Variants in RBM46 observed in about 807,000 individuals in gnomAD.
RBM46 encodes the protein probable RNA-binding protein 46.
A neutral mutation model predicts 43.3 loss-of-function variants in RBM46; 12 were observed. The ratio of observed to expected loss-of-function variants is 0.28; its 90% confidence interval spans 0.18 to 0.45. The LOEUF (loss-of-function observed/expected upper bound fraction) is 0.45, where lower values mean the gene tolerates loss of function less well. RBM46 is among the 20% of genes least tolerant of loss of function. The probability of loss-of-function intolerance (pLI) is 1.00; values close to 1 mark genes in which losing one functional copy is unlikely to be tolerated. For missense variants in RBM46, 412 were observed against 639.1 expected (o/e 0.64, Z 3.83); for synonymous variants, 205 against 207.6 (o/e 0.99, Z 0.11).
In RBM46 at chr4:154,812,328, G is replaced by A. The variant is rs56964535; in HGVS notation, c.1402+12764G>A. ...CCCATGTACCAGACCCCACTCCATT[G>A]TAATGTTGACCTGAGACATCTGGTT... is the stretch of plus-strand genomic sequence containing the variant. On this transcript the variant is annotated intron_variant, in intron 4 of 4. Transcript: ENST00000281722. Among the ~76,000 whole-genome samples the A allele has an allele frequency of 5.9e-5, 9 of 152,208 alleles. No individual in the cohort carries two copies. In the East Asian group the frequency reaches 1.7e-3, roughly 29 times the overall value.
rs1736074466 is a variant in RBM46, at chr4:154,828,625, TTTG to T, written c.*561_*563del. 6.5e-6 allele frequency: 1 copy of T among 152,672 alleles called. No homozygotes were observed. Among genetic ancestry groups the T allele is most frequent in the Non-Finnish European group, 1.5e-5 (1 of 68,054 alleles). 9.5% of individuals were successfully genotyped at this position (152,672 alleles called of 1,614,324 possible). A position where few individuals can be genotyped will look rare whatever the true frequency, so the allele number is the denominator to read the frequency against. On this transcript the variant is annotated 3_prime_UTR_variant, in exon 5 of 5. Coordinates refer to ENST00000281722, the MANE Select transcript of RBM46 (RefSeq NM_144979.5). ...GTCCTTGAAAATAACTATAGATATT[TTTG>T]TTATTTGTTAGACACAAATTATAAT...
At position 154,812,955 on chromosome 4, in the gene RBM46, A is replaced by G. The variant is rs116338366; in HGVS notation, c.1402+13391A>G. Among the ~76,000 whole-genome samples, 393 of 152,292 alleles carry G rather than the reference A, an allele frequency of 2.6e-3. 1 individual carries two copies. Among genetic ancestry groups the G allele is most frequent in the African/African-American group, 9.2e-3 (381 of 41,554 alleles). On this transcript the variant is annotated intron_variant, in intron 4 of 4. Transcript: ENST00000281722. ...GACTTTTTCTTTATGATATTACTCA[A>G]TAATTTTTATATTTTTTATTTACTC... is the stretch of plus-strand genomic sequence containing the variant.
At chr4:154,808,366 A>G (rs1735012038) in intron 4 of RBM46, among the ~76,000 whole-genome samples, 1 of 151,926 alleles carries the variant, frequency 6.6e-6, no homozygotes. Context: ...TGTTTTTATT[A>G]GAGTTACTTT....
intron 1 of RBM46, among the ~76,000 whole-genome samples, chr4:154,791,646 T>A (rs780819147): frequency 3.9e-5 from 6 of 152,200 alleles, no homozygotes; most frequent in Non-Finnish European, 7.3e-5. Flanking sequence ...GGAAAGAGAT[T>A]ATGATACATT....
chr4:154,795,786 G>A (rs1367256614), intron 1 of RBM46, among the ~76,000 whole-genome samples: 1 of 152,084 alleles, frequency 6.6e-6, no homozygotes, highest in Non-Finnish European at 1.5e-5. Context: ...ACAGCATTTA[G>A]GAACCTAGCA....
rs1388800481 is a variant in RBM46 at position 154,799,202 on chromosome 4, T to C, written c.1040T>C (p.Leu347Pro). The C allele has an allele frequency of 6.2e-7, 1 of 1,614,180 alleles. No individual in the cohort carries two copies. The highest frequency in any genetic ancestry group is 1.7e-5 in the Admixed American group (1 of 60,030). ...EESHPKTLGKLPTLPARLNGQ... is the reference protein window; with the variant it reads ...EESHPKTLGKPPTLPARLNGQ... ...AGCCACCCAAAAACTCTAGGCAAGCTGCCAACTCTTCCTGCTCGTCTCAAT... is the reference window on the plus strand; with the variant it reads ...AGCCACCCAAAAACTCTAGGCAAGCCGCCAACTCTTCCTGCTCGTCTCAAT... The change falls in exon 4 of 5, where the codon CTG (leucine) becomes CCG (proline). Residue 347 changes from leucine (L) to proline (P), a missense_variant. Physicochemically the swap from Leu to Pro is moderately conservative, Grantham distance 98. This residue lies in a region of RBM46 where 105 missense variants were observed against 111.0 expected (regional missense o/e 0.95). Coordinates refer to ENST00000281722, the MANE Select transcript of RBM46 (RefSeq NM_144979.5).
rs1491369017 is a variant in RBM46 at position 154,804,812 on chromosome 4, TTG to T, written c.1402+5250_1402+5251del. 1.2e-3 allele frequency among the ~76,000 whole-genome samples: 142 copies of T among 119,742 alleles called. 1 individual carries two copies. In the South Asian group the frequency reaches 0.037, roughly 31 times the overall value. The allele number at this position is 119,742 out of a possible 152,430, so 78.6% of individuals were successfully genotyped here. On this transcript the variant is annotated intron_variant, in intron 4 of 4. Transcript: ENST00000281722. ...TTGTTCTGGACAAAAATGATTAAGG[TTG>T]TTTTTTTTTTTTTTTTTTTTTTAAA...
chr4:154,823,522 A>G (rs1248297715), intron 4 of RBM46, among the ~76,000 whole-genome samples: 1 of 151,900 alleles, frequency 6.6e-6, no homozygotes, highest in African/African-American at 2.4e-5. Context: ...GTCAAAATTA[A>G]TTTGAGAAGA....
chr4:154,787,575 G>T (rs933584202), intron 1 of RBM46, among the ~76,000 whole-genome samples: 7 of 152,024 alleles, frequency 4.6e-5, no homozygotes, highest in African/African-American at 1.7e-4. Context: ...TCTTAATCCA[G>T]TCTATCATTG....
Position 154,824,368 on chromosome 4 carries a change from T to C in RBM46, c.1403-3500T>C, listed in dbSNP as rs148706454. ...TTCCCAGGTATTGCCCCAAAAGAAA[T>C]GAAAACATATATCCACCAAAAGATT... is the stretch of plus-strand genomic sequence containing the variant. On this transcript the variant is annotated intron_variant, in intron 4 of 4. Coordinates refer to ENST00000281722, the MANE Select transcript of RBM46 (RefSeq NM_144979.5). Among the ~76,000 whole-genome samples the C allele has an allele frequency of 1.3e-3, 195 of 152,110 alleles. 3 individuals carry two copies. Among genetic ancestry groups the C allele is most frequent in the African/African-American group, 4.4e-3 (183 of 41,538 alleles).
chr4:154,811,700 TGA>T (rs1735188623), intron 4 of RBM46, among the ~76,000 whole-genome samples: 2 of 150,168 alleles, frequency 1.3e-5, no homozygotes, highest in South Asian at 4.2e-4. Flanking sequence ...TGTGTGTGTG[TGA>T]CAGAGTTTCG....
intron 4 of RBM46, among the ~76,000 whole-genome samples, chr4:154,802,860 A>G (rs751878746): frequency 8.5e-5 from 13 of 152,254 alleles, no homozygotes; most frequent in Non-Finnish European, 1.8e-4. Flanking sequence ...TTACCATCCA[A>G]TCTTAACCTT....
intron 3 of RBM46, among the ~76,000 whole-genome samples, chr4:154,798,519 A>G (rs1035321995): frequency 1.3e-5 from 2 of 152,206 alleles, no homozygotes; most frequent in African/African-American, 4.8e-5. Context: ...TTGTTGTTTA[A>G]TAAAAATCCA....
chr4:154,797,019 A>ATGTT (rs533910583), intron 2 of RBM46, 116 bp downstream of exon 2: 24 of 617,392 alleles, frequency 3.9e-5, no homozygotes, highest in East Asian at 3.4e-4. Context: ...GCTTTAAGAC[A>ATGTT]TTTTTTTTTT....
intron 4 of RBM46, among the ~76,000 whole-genome samples, chr4:154,815,298 G>A (rs950848806): frequency 1.3e-5 from 2 of 151,982 alleles, no homozygotes; most frequent in Admixed American, 1.3e-4. Context: ...TGAACATAGT[G>A]TTTTTGGTGC....
intron 4 of RBM46, among the ~76,000 whole-genome samples, chr4:154,808,729 C>A (rs1735034411): frequency 6.6e-6 from 1 of 151,988 alleles, no homozygotes; most frequent in South Asian, 2.1e-4. Context: ...TTCTGTTCTG[C>A]ACTATAAATA....
chr4:154,782,457 G>T (rs1022903564), intron 1 of RBM46, among the ~76,000 whole-genome samples: 3 of 152,144 alleles, frequency 2.0e-5, no homozygotes, highest in Admixed American at 1.3e-4. Flanking sequence ...TATCAAAGAG[G>T]AAATATCATA....
chr4:154,812,717 C>T (rs1159452730), intron 4 of RBM46, among the ~76,000 whole-genome samples: 1 of 152,156 alleles, frequency 6.6e-6, no homozygotes, highest in Non-Finnish European at 1.5e-5. Flanking sequence ...TAATCAAATA[C>T]TCTGAACTCC....
At chr4:154,790,258 A>T (rs2111103788) in intron 1 of RBM46, 1 of 152,030 alleles carries the variant, frequency 6.6e-6, no homozygotes, top group African/African-American at 2.4e-5. Flanking sequence ...TTTAATTGTG[A>T]TGTTAGGGTG....
Sources: gnomAD v4.1 joint callset for allele counts (sites outside exome capture counted in the v4.1 genomes callset) on GRCh38, gnomAD v4.1.1 for gene constraint, gnomAD v4.1.1 regional missense constraint, MANE v1.5 for transcripts, NCBI Gene and HGNC (gene_info 2026-07-23, HGNC 2026-07-21) for gene names.